The following TBC1D22A variants were observed in gnomAD, a reference collection of about 807,000 sequenced individuals.
TBC1D22A encodes putative GTPase activator.
In TBC1D22A, 38 loss-of-function variants were observed where a neutral mutation model predicts 60.2. The ratio of observed to expected loss-of-function variants is 0.63; its 90% CI spans 0.49 to 0.83. The LOEUF (loss-of-function observed/expected upper bound fraction) is 0.83. TBC1D22A is among the 40% of genes least tolerant of loss of function. TBC1D22A has a pLI of 0.00. For synonymous variants in TBC1D22A, 302 were observed against 281.7 expected, an observed-to-expected ratio of 1.07 and a Z score of -0.72; for missense variants, 628 against 701.0, an observed-to-expected ratio of 0.90 and a Z score of 1.18.
chr22:46,905,069 C>T (rs1012629482), intron 7 of TBC1D22A, among the ~76,000 whole-genome samples: 4 of 152,352 alleles, frequency 2.6e-5, no homozygotes, highest in East Asian at 3.9e-4. Context: ...CCACCGCGCC[C>T]GGCTGAGAAA....
rs1402130035 is a variant in TBC1D22A, at chr22:46,884,503, C to T, written c.708+5780C>T. On this transcript the variant is annotated intron_variant, in intron 5 of 12. Transcript: ENST00000337137. ...CTCCCACAGCCGGGGAGGTGGAGAC[C>T]GAGAGAGGGTGCTCTTGTGGAAAGG... 3.3e-5 allele frequency among the ~76,000 whole-genome samples: 5 copies of T among 152,218 alleles called. No individual in the cohort carries two copies. In the South Asian group the frequency reaches 1.0e-3, roughly 32 times the overall value.
chr22:46,832,505 G>A (rs1410208852), intron 4 of TBC1D22A, among the ~76,000 whole-genome samples: 1 of 152,086 alleles, frequency 6.6e-6, no homozygotes, highest in Non-Finnish European at 1.5e-5. Context: ...AAAAAGCTGG[G>A]TGTGGTGGCG....
At chr22:46,949,025 G>A (rs12161098) in intron 8 of TBC1D22A, among the ~76,000 whole-genome samples, 2,212 of 152,292 alleles carry the variant, frequency 0.015, 40 homozygotes, top group African/African-American at 0.051. Context: ...GGAGTGGAGC[G>A]CCACTTCTGA....
chr22:46,920,610 G>A (rs375865597), intron 8 of TBC1D22A, among the ~76,000 whole-genome samples: 2 of 152,066 alleles, frequency 1.3e-5, no homozygotes, highest in South Asian at 4.1e-4. Flanking sequence ...TGTCGCATGC[G>A]TGTGTCATGC....
At chr22:46,902,529 C>T (rs571358744) in intron 7 of TBC1D22A, among the ~76,000 whole-genome samples, 2 of 152,346 alleles carry the variant, frequency 1.3e-5, no homozygotes, top group East Asian at 3.9e-4. Context: ...GGCGTCCTTC[C>T]TTTATTGCCC....
intron 4 of TBC1D22A, among the ~76,000 whole-genome samples, chr22:46,845,202 A>G (rs1276571627): frequency 6.6e-6 from 1 of 152,220 alleles, no homozygotes; most frequent in African/African-American, 2.4e-5. Context: ...TTTAGGATAA[A>G]TACCCAACTT....
At chr22:47,000,543 A>T (rs1436519455) in intron 10 of TBC1D22A, among the ~76,000 whole-genome samples, 1 of 152,176 alleles carries the variant, frequency 6.6e-6, no homozygotes, top group Non-Finnish European at 1.5e-5. Context: ...GCCGCGTGGA[A>T]AGGAGGATGG....
intron 4 of TBC1D22A, among the ~76,000 whole-genome samples, chr22:46,826,633 C>T (rs1276069395): frequency 6.6e-6 from 1 of 152,094 alleles, no homozygotes; most frequent in Non-Finnish European, 1.5e-5. Context: ...ACCCAGGGCT[C>T]CTGTGAGGCT....
chr22:46,915,229 A>G (rs2070271815), intron 8 of TBC1D22A: 1 of 357,724 alleles, frequency 2.8e-6, no homozygotes, highest in Non-Finnish European at 5.5e-6. Context: ...TTTCTGGGGA[A>G]GCTCATAGAC....
chr22:47,083,348 GACACACACACACACAC>G (rs10549216), intron 11 of TBC1D22A, among the ~76,000 whole-genome samples: 2 of 148,560 alleles, frequency 1.3e-5, no homozygotes, highest in African/African-American at 4.9e-5. Flanking sequence ...ATACTTAGAA[GACACACACACACACAC>G]ACACACACAC....
chr22:47,134,123 C>T (rs2147123692), intron 12 of TBC1D22A, among the ~76,000 whole-genome samples: 1 of 152,332 alleles, frequency 6.6e-6, no homozygotes, highest in Admixed American at 6.5e-5. Flanking sequence ...ACGTTTCTGC[C>T]TGTGAATTAG....
chr22:47,134,463 C>T (rs980346738), intron 12 of TBC1D22A, among the ~76,000 whole-genome samples: 10 of 152,388 alleles, frequency 6.6e-5, no homozygotes, highest in African/African-American at 2.4e-4. Context: ...TCGCCAGCTC[C>T]TGGCCAGGAC....
At position 46,854,798 on chromosome 22, in the gene TBC1D22A, T is replaced by C. The variant is rs149477474; in HGVS notation, c.638-23855T>C. On this transcript the variant is annotated intron_variant, in intron 4 of 12. Coordinates refer to ENST00000337137, the MANE Select transcript of TBC1D22A (RefSeq NM_014346.5). ...GCTTGCAGGACAAAGATCACACTCCTGATATTTAATGCCTTTCTTAATCGG... is the reference window on the plus strand; with the variant it reads ...GCTTGCAGGACAAAGATCACACTCCCGATATTTAATGCCTTTCTTAATCGG... 3.2e-3 allele frequency among the ~76,000 whole-genome samples: 482 copies of C among 152,334 alleles called. 1 individual carries two copies. Among genetic ancestry groups the C allele is most frequent in the Middle Eastern group, 6.8e-3 (2 of 294 alleles).
chr22:46,834,094 A>C (rs949037245), intron 4 of TBC1D22A, among the ~76,000 whole-genome samples: 1 of 152,128 alleles, frequency 6.6e-6, no homozygotes, highest in African/African-American at 2.4e-5. Flanking sequence ...TCTGAAGTAG[A>C]CTCAACCCCA....
chr22:46,939,277 G>A (rs1294057977), intron 8 of TBC1D22A, among the ~76,000 whole-genome samples: 1 of 152,176 alleles, frequency 6.6e-6, no homozygotes, highest in Non-Finnish European at 1.5e-5. Flanking sequence ...CAGCGAATTC[G>A]CAGACTGTGC....
At chr22:47,172,597 T>C (rs962548709) in intron 12 of TBC1D22A, among the ~76,000 whole-genome samples, 1 of 152,226 alleles carries the variant, frequency 6.6e-6, no homozygotes, top group African/African-American at 2.4e-5. Flanking sequence ...ATTTTAAGAG[T>C]CTGATCAAAT....
chr22:47,132,647 T>A (rs894989453), intron 12 of TBC1D22A, among the ~76,000 whole-genome samples: 3 of 152,186 alleles, frequency 2.0e-5, no homozygotes, highest in Non-Finnish European at 4.4e-5. Flanking sequence ...CCTGGCCGTG[T>A]TGGGAGTCCT....
At chr22:47,037,317 T>C in intron 11 of TBC1D22A, 119 bp downstream of exon 11, 2 of 1,397,262 alleles carry the variant, frequency 1.4e-6, no homozygotes, top group Non-Finnish European at 1.9e-6. Context: ...GCTCTCTCCA[T>C]TGAAATGCGG....
intron 12 of TBC1D22A, among the ~76,000 whole-genome samples, chr22:47,146,722 G>A (rs530606374): frequency 1.3e-5 from 2 of 152,306 alleles, no homozygotes; most frequent in South Asian, 2.1e-4. Flanking sequence ...TGATGGGGCG[G>A]TGGGAAGGCT....
Sources: gnomAD v4.1 joint callset for allele counts (sites outside exome capture counted in the v4.1 genomes callset) on GRCh38, gnomAD v4.1.1 for gene constraint, MANE v1.5 for transcripts, NCBI Gene and HGNC (gene_info 2026-07-23, HGNC 2026-07-21) for gene names.